LIMCH1: variants seen among roughly 807,000 people sequenced by gnomAD.
The protein encoded by LIMCH1 is LIM and calponin homology domains-containing protein 1.
A neutral mutation model predicts 176.5 loss-of-function variants in LIMCH1; 113 were observed. The ratio of observed to expected loss-of-function variants is 0.64; its 90% CI spans 0.55 to 0.75. The LOEUF is 0.75. LIMCH1 is among the 30% of genes least tolerant of loss of function. The pLI is 0.00. For missense variants in LIMCH1, 1,674 were observed against 1,814.9 expected, an observed-to-expected ratio of 0.92 and a Z score of 1.41; for synonymous variants, 619 against 645.9, an observed-to-expected ratio of 0.96 and a Z score of 0.63.
chr4:41,385,505 A>G (rs1022621097), intron 1 of LIMCH1, among the ~76,000 whole-genome samples: 8 of 152,222 alleles, frequency 5.3e-5, no homozygotes, highest in African/African-American at 1.9e-4. Flanking sequence ...TTGGAGGGAT[A>G]TCAAACTTAT....
intron 2 of LIMCH1, among the ~76,000 whole-genome samples, chr4:41,510,789 A>G (rs1280299438): frequency 6.6e-6 from 1 of 152,086 alleles, no homozygotes; most frequent in Non-Finnish European, 1.5e-5. Context: ...GAGTTTCGCC[A>G]TGTTGGGCAG....
intron 18 of LIMCH1, among the ~76,000 whole-genome samples, chr4:41,659,290 A>G (rs188811944): frequency 1.0e-3 from 158 of 152,310 alleles, no homozygotes; most frequent in Middle Eastern, 6.8e-3. Context: ...AGGGTTTTAA[A>G]AGTGTGTTTT....
Position 41,441,874 on chromosome 4 carries a change from G to A in LIMCH1, c.97-52662G>A, listed in dbSNP as rs114464187. Among the ~76,000 whole-genome samples the A allele has an allele frequency of 7.2e-3, 1,098 of 152,230 alleles. 16 individuals carry two copies. Among genetic ancestry groups the A allele is most frequent in the African/African-American group, 0.025 (1,048 of 41,528 alleles). ...AATTTTATAGGTTTTTGCTGTCGTC[G>A]TTTGTTTTTGATGTGGGATATCTGC... On this transcript the variant is annotated intron_variant, in intron 1 of 26. Transcript: ENST00000313860.
intron 1 of LIMCH1, among the ~76,000 whole-genome samples, chr4:41,591,408 A>AT (rs2087536401): frequency 6.6e-6 from 1 of 151,850 alleles, no homozygotes; most frequent in Non-Finnish European, 1.5e-5. Flanking sequence ...TGGCCAGCTA[A>AT]TTTTTTAAAA....
intron 2 of LIMCH1, among the ~76,000 whole-genome samples, chr4:41,522,344 A>G (rs1013499594): frequency 4.6e-5 from 7 of 152,146 alleles, no homozygotes; most frequent in Non-Finnish European, 7.3e-5. Context: ...CTACACATAT[A>G]TATTTTTAAA....
chr4:41,650,013 AC>A (rs746323091), intron 17 of LIMCH1, among the ~76,000 whole-genome samples: 7 of 152,194 alleles, frequency 4.6e-5, no homozygotes, highest in Non-Finnish European at 1.0e-4. Context: ...ATCCAGAAAA[AC>A]AGTCAAGGTT....
chr4:41,538,664 A>G (rs2078233777), intron 1 of LIMCH1, among the ~76,000 whole-genome samples: 1 of 151,876 alleles, frequency 6.6e-6, no homozygotes, highest in East Asian at 1.9e-4. Context: ...GATTTTTGAG[A>G]ATTTTGAGAA....
intron 1 of LIMCH1, among the ~76,000 whole-genome samples, chr4:41,447,953 G>T (rs1002922037): frequency 6.6e-6 from 1 of 152,144 alleles, no homozygotes; most frequent in Admixed American, 6.5e-5. Flanking sequence ...ACCACGCCTG[G>T]CTAATTTTTG....
intron 13 of LIMCH1, among the ~76,000 whole-genome samples, chr4:41,634,209 C>T (rs541001989): frequency 3.3e-4 from 51 of 152,320 alleles, no homozygotes; most frequent in Admixed American, 1.6e-3. Context: ...AGCAAACACT[C>T]GTTGCCTTCT....
intron 1 of LIMCH1, among the ~76,000 whole-genome samples, chr4:41,415,723 A>G (rs1161051611): frequency 6.6e-6 from 1 of 152,188 alleles, no homozygotes; most frequent in Non-Finnish European, 1.5e-5. Context: ...CACGCCTGTA[A>G]TCCCAGCACT....
rs115351492 is a variant in LIMCH1, at chr4:41,400,802, G to A, written c.96+39866G>A. Among the ~76,000 whole-genome samples, 718 of 152,258 alleles carry A rather than the reference G, an allele frequency of 4.7e-3. 10 individuals carry two copies. Among genetic ancestry groups the A allele is most frequent in the African/African-American group, 0.017 (687 of 41,534 alleles). On this transcript the variant is annotated intron_variant, in intron 1 of 26. Transcript: ENST00000313860. Reference sequence around the variant, plus strand: ...TGAGAAAGTAGCCACAAATCACACCGTGCACCATGAAATTTGCAACAGAAA... The same window carrying A: ...TGAGAAAGTAGCCACAAATCACACCATGCACCATGAAATTTGCAACAGAAA...
intron 1 of LIMCH1, among the ~76,000 whole-genome samples, chr4:41,452,549 T>C (rs1203157722): frequency 2.6e-5 from 4 of 152,246 alleles, no homozygotes; most frequent in Non-Finnish European, 2.9e-5. Flanking sequence ...TAATTGCCTT[T>C]ATGATATTCT....
Position 41,531,522 on chromosome 4 carries a change from A to ACACC in LIMCH1, c.237+7045_237+7046insACCC, listed in dbSNP as rs1230668145. On this transcript the variant is annotated intron_variant, in intron 3 of 26. Transcript: ENST00000313860. ...CACACACACACACACACACATACACACCTTATACTTGCCAACTCTCCCAAA... is the reference window on the plus strand; with the variant it reads ...CACACACACACACACACACATACACACACCCCTTATACTTGCCAACTCTCCCAAA... Among the ~76,000 whole-genome samples the ACACC allele has an allele frequency of 6.2e-4, 91 of 145,642 alleles. 1 individual carries two copies. Among genetic ancestry groups the ACACC allele is most frequent in the African/African-American group, 2.3e-3 (87 of 38,160 alleles).
At chr4:41,585,025 G>C (rs1044602201) in intron 1 of LIMCH1, among the ~76,000 whole-genome samples, 1 of 152,062 alleles carries the variant, frequency 6.6e-6, no homozygotes, top group South Asian at 2.1e-4. Context: ...TCTTTTAAAA[G>C]GGCACTAATC....
At chr4:41,648,137 G>A (rs1190152519) in intron 17 of LIMCH1, among the ~76,000 whole-genome samples, 1 of 152,208 alleles carries the variant, frequency 6.6e-6, no homozygotes, top group Non-Finnish European at 1.5e-5. Flanking sequence ...TAGGGCCTAT[G>A]ATAATGAATG....
At chr4:41,430,366 C>T (rs1190141549) in intron 1 of LIMCH1, among the ~76,000 whole-genome samples, 3 of 152,174 alleles carry the variant, frequency 2.0e-5, no homozygotes, top group Admixed American at 6.5e-5. Context: ...GAGGTTCAAG[C>T]GATTCTCTTG....
intron 1 of LIMCH1, among the ~76,000 whole-genome samples, chr4:41,423,191 A>C (rs2060773873): frequency 6.6e-6 from 1 of 152,220 alleles, no homozygotes; most frequent in Non-Finnish European, 1.5e-5. Context: ...CACCCTCCGT[A>C]TGATATGGAG....
intron 1 of LIMCH1, among the ~76,000 whole-genome samples, chr4:41,367,764 C>T (rs1378580054): frequency 1.4e-5 from 2 of 146,710 alleles, no homozygotes; most frequent in Admixed American, 6.8e-5. Context: ...CTACTCGGAA[C>T]GCTGAAACAG....
chr4:41,487,856 G>T (rs1342138945), intron 1 of LIMCH1, among the ~76,000 whole-genome samples: 1 of 150,238 alleles, frequency 6.7e-6, no homozygotes, highest in Non-Finnish European at 1.5e-5. Context: ...GTTTCACCGT[G>T]TTAGCCAGGA....
Sources: allele counts gnomAD v4.1 joint callset (sites outside exome capture counted in the v4.1 genomes callset), GRCh38; gene constraint gnomAD v4.1.1; transcripts MANE v1.5; gene names NCBI Gene and HGNC (gene_info 2026-07-23, HGNC 2026-07-21).